VPS8: variants seen among roughly 807,000 people sequenced by gnomAD.
VPS8 encodes vacuolar protein sorting-associated protein 8 homolog.
A neutral mutation model predicts 216.4 loss-of-function variants in VPS8; 129 were observed. The ratio of observed to expected loss-of-function variants is 0.60; its 90% CI spans 0.52 to 0.69. The LOEUF (loss-of-function observed/expected upper bound fraction) is 0.69, where lower values mean the gene tolerates loss of function less well. Ranked by LOEUF, VPS8 falls within the 30% of genes least tolerant of loss-of-function variation. The probability of loss-of-function intolerance (pLI) is 0.00; values close to 1 mark genes in which losing one functional copy is unlikely to be tolerated. For synonymous variants in VPS8, 571 were observed against 565.4 expected, an observed-to-expected ratio of 1.01 and a Z score of -0.14; for missense variants, 1,531 against 1,683.5, an observed-to-expected ratio of 0.91 and a Z score of 1.59.
intron 42 of VPS8, among the ~76,000 whole-genome samples, chr3:184,989,960 C>G (rs956131119): frequency 6.6e-6 from 1 of 152,042 alleles, no homozygotes; most frequent in African/African-American, 2.4e-5. Flanking sequence ...GTAGTCCCAG[C>G]TACTCGGGAG....
intron 36 of VPS8, 41 bp from the exon 37 acceptor site, chr3:184,957,333 A>G: frequency 6.4e-7 from 1 of 1,564,944 alleles, no homozygotes; most frequent in Non-Finnish European, 8.7e-7. Context: ...TGATTAAATA[A>G]TGCTACAATT....
At chr3:184,913,924 GTTTT>G (rs970293666) in intron 26 of VPS8, among the ~76,000 whole-genome samples, 106 of 152,334 alleles carry the variant, frequency 7.0e-4, no homozygotes, top group African/African-American at 2.5e-3. Context: ...TGAAACCCGG[GTTTT>G]TTATGTTTAC....
At chr3:184,830,454 TCA>T (rs3040915) in intron 3 of VPS8, among the ~76,000 whole-genome samples, 5,390 of 147,134 alleles carry the variant, frequency 0.037, 139 homozygotes, top group East Asian at 0.092. Context: ...GTTTATCAGT[TCA>T]CACACACACA....
chr3:184,911,683 G>C (rs1046093015), intron 25 of VPS8, among the ~76,000 whole-genome samples: 3 of 152,094 alleles, frequency 2.0e-5, no homozygotes, highest in Non-Finnish European at 4.4e-5. Flanking sequence ...TTTTGCTCTC[G>C]TAATCACCTA....
chr3:184,950,766 G>C (rs1007333121), intron 36 of VPS8, among the ~76,000 whole-genome samples: 1 of 151,802 alleles, frequency 6.6e-6, no homozygotes, highest in African/African-American at 2.4e-5. Context: ...CCCTCCCTGT[G>C]TCCATGTGTT....
chr3:184,896,434 C>A (rs998917648), intron 23 of VPS8, among the ~76,000 whole-genome samples: 1 of 152,162 alleles, frequency 6.6e-6, no homozygotes. Context: ...AGACTTCTCC[C>A]CTTTTTCCTC....
chr3:184,904,780 T>G (rs1735189628), intron 25 of VPS8, among the ~76,000 whole-genome samples: 1 of 152,332 alleles, frequency 6.6e-6, no homozygotes, highest in South Asian at 2.1e-4. Context: ...AGGATTAGTG[T>G]TAACTTTTTT....
intron 37 of VPS8, 115 bp from the exon 38 acceptor site, chr3:184,964,353 A>G (rs1011656778): frequency 3.7e-6 from 2 of 534,036 alleles, no homozygotes; most frequent in Non-Finnish European, 6.0e-6. Context: ...AAAATATCAT[A>G]CTAATAAGGT....
intron 36 of VPS8, among the ~76,000 whole-genome samples, chr3:184,950,829 G>C (rs936583206): frequency 2.0e-5 from 3 of 152,068 alleles, no homozygotes; most frequent in African/African-American, 7.2e-5. Context: ...TTGGTTTTCT[G>C]TTCCTGTGTT....
At chr3:184,821,598 G>A (rs1038933935) in intron 1 of VPS8, among the ~76,000 whole-genome samples, 14 of 151,898 alleles carry the variant, frequency 9.2e-5, no homozygotes, top group Non-Finnish European at 8.8e-5. Context: ...AAATCCACCC[G>A]CCTCAGCCTC....
Position 184,849,153 on chromosome 3 carries a change from CAAT to C in VPS8, c.625_627del (p.Asn209del). Reference sequence around the variant, plus strand: ...GCGCTATCTCTGCCCTCAGTATCAACAATGATTGCTCAAGACTTCTTTGTGGCT... The same window carrying C: ...GCGCTATCTCTGCCCTCAGTATCAACGATTGCTCAAGACTTCTTTGTGGCT... On this transcript the variant is annotated inframe_deletion, in exon 9 of 48. Coordinates refer to ENST00000625842, the MANE Select transcript of VPS8 (RefSeq NM_001009921.3). The C allele has an allele frequency of 6.2e-7, 1 of 1,613,654 alleles. No homozygotes were observed. The highest frequency in any genetic ancestry group is 1.3e-5 in the African/African-American group (1 of 75,030).
intron 17 of VPS8, 97 bp from the exon 18 acceptor site, chr3:184,867,927 A>C: frequency 4.0e-6 from 5 of 1,250,184 alleles, no homozygotes; most frequent in Non-Finnish European, 5.7e-6. Flanking sequence ...GTTTTACTTA[A>C]AGGGATATCA....
At chr3:184,840,093 C>T (rs1721840753) in intron 7 of VPS8, 1 of 198,706 alleles carries the variant, frequency 5.0e-6, no homozygotes, top group African/African-American at 2.4e-5. Context: ...TTCTGAATCA[C>T]CTTCCAGTAA....
rs11382420 is a variant in VPS8, at chr3:184,966,973, C to CTT, written c.3316+272_3316+273dup. 7.0e-3 allele frequency among the ~76,000 whole-genome samples: 1,016 copies of CTT among 146,002 alleles called. 11 individuals are homozygous for CTT. Among genetic ancestry groups the CTT allele is most frequent in the Middle Eastern group, 0.025 (7 of 280 alleles). On this transcript the variant is annotated intron_variant, in intron 39 of 47. Coordinates refer to ENST00000625842, the MANE Select transcript of VPS8 (RefSeq NM_001009921.3). ...AAATTATGCACTGTTTGTTGGTTAT[C>CTT]TTTTTTTTTTTTTGACAGGCTTTCG...
At chr3:185,044,120 G>T (rs567236733) in intron 46 of VPS8, among the ~76,000 whole-genome samples, 138 of 152,280 alleles carry the variant, frequency 9.1e-4, no homozygotes, top group African/African-American at 3.2e-3. Context: ...AACCCAGGAG[G>T]CAGAGGTTGC....
At chr3:184,932,152 G>A (rs1475426272) in intron 34 of VPS8, among the ~76,000 whole-genome samples, 1 of 152,054 alleles carries the variant, frequency 6.6e-6, no homozygotes, top group Non-Finnish European at 1.5e-5. Flanking sequence ...CTTCAGTAAT[G>A]TAAATATAAT....
intron 42 of VPS8, among the ~76,000 whole-genome samples, chr3:184,992,606 G>GTAC (rs770057436): frequency 6.6e-5 from 10 of 151,966 alleles, no homozygotes; most frequent in African/African-American, 9.7e-5. Context: ...AAACTGCTTA[G>GTAC]TACTGTACTT....
intron 1 of VPS8, among the ~76,000 whole-genome samples, chr3:184,821,454 C>T (rs1053838988): frequency 2.0e-5 from 3 of 152,062 alleles, no homozygotes; most frequent in African/African-American, 7.2e-5. Context: ...AGCAATTCTC[C>T]TGCCTCAGCC....
At chr3:185,012,335 T>C (rs1195221605) in intron 45 of VPS8, among the ~76,000 whole-genome samples, 1 of 147,838 alleles carries the variant, frequency 6.8e-6, no homozygotes, top group African/African-American at 2.4e-5. Context: ...GGATATAATG[T>C]ACATATATCT....
Sources: allele counts gnomAD v4.1 joint callset (sites outside exome capture counted in the v4.1 genomes callset), GRCh38; gene constraint gnomAD v4.1.1; transcripts MANE v1.5; gene names NCBI Gene and HGNC (gene_info 2026-07-23, HGNC 2026-07-21).